The following CFAP47 variants were observed in gnomAD, a reference collection of about 807,000 sequenced individuals.
CFAP47 encodes cilia- and flagella-associated protein 47.
Under a neutral mutation model 148.1 loss-of-function variants are expected in CFAP47, and 29 were observed. The observed-to-expected ratio is 0.20, with a 90% confidence interval of 0.15 to 0.27. The LOEUF is 0.27. Ranked by LOEUF, CFAP47 falls within the 10% of genes least tolerant of loss-of-function variation. The pLI, the probability that CFAP47 is intolerant of heterozygous loss-of-function variation, is 1.00. For synonymous variants in CFAP47, 664 were observed against 577.3 expected (o/e 1.15, Z -2.15); for missense variants, 1,872 against 1,697.5 (o/e 1.10, Z -1.81).
chrX:36,338,847 C>A (rs144740963), intron 57 of CFAP47, among the ~76,000 whole-genome samples: 1,125 of 111,990 alleles, frequency 0.01, 12 homozygotes, highest in African/African-American at 0.029. Flanking sequence ...TCTTTAGGTG[C>A]TCTGCTCAAG....
intron 2 of CFAP47, among the ~76,000 whole-genome samples, chrX:35,937,824 A>G (rs916782568): frequency 1.1e-4 from 12 of 111,497 alleles, no homozygotes; most frequent in Non-Finnish European, 2.3e-4. Context: ...TGGATCAGAC[A>G]TGTAATGAAC....
At chrX:35,968,723 T>C (rs1377864538) in intron 10 of CFAP47, among the ~76,000 whole-genome samples, 1 of 111,154 alleles carries the variant, frequency 9.0e-6, no homozygotes, top group Non-Finnish European at 1.9e-5. Context: ...CTATAGTCTA[T>C]CTTATTATTT....
chrX:35,972,726 C>T (rs1936512747), intron 13 of CFAP47, among the ~76,000 whole-genome samples: 2 of 111,566 alleles, frequency 1.8e-5, no homozygotes, highest in Admixed American at 1.9e-4. Context: ...ATTGAAACAG[C>T]ACCCCATTTT....
chrX:36,199,661 C>A (rs1555987685), intron 42 of CFAP47, among the ~76,000 whole-genome samples: 2 of 111,550 alleles, frequency 1.8e-5, no homozygotes, highest in South Asian at 7.5e-4. Flanking sequence ...ATAATATTGG[C>A]TAATGATTGG....
In CFAP47 at chrX:36,280,517, G is replaced by C. The variant is rs1941066870; in HGVS notation, c.7475G>C (p.Cys2492Ser). ...ATTACATTTTCTACTACAAGAAGAT[G>C]TACTACAAGAAGGAAACATGATGAT... ...GTITFSTTRR[C>S]TTRRKHDDYE... Residue 2492 changes from cysteine to serine, a missense_variant, in exon 50 of 64, where the codon TGT becomes TCT. By Grantham distance (112) the Cys-to-Ser change is moderately radical (BLOSUM62 -1). Transcript: ENST00000378653. The C allele has an allele frequency of 3.9e-6, 2 of 507,531 alleles. No homozygotes were observed. The highest frequency in any genetic ancestry group is 5.4e-5 in the Admixed American group (2 of 36,976). 41.8% of individuals were successfully genotyped at this position (507,531 alleles called of 1,213,427 possible).
intron 6 of CFAP47, among the ~76,000 whole-genome samples, chrX:35,953,262 CTTAG>C (rs1327952691): frequency 1.8e-5 from 2 of 111,902 alleles, no homozygotes; most frequent in African/African-American, 3.2e-5. Context: ...AATCAGAGTC[CTTAG>C]TTAGAGATGA....
chrX:36,355,359 C>G (rs1941777481), intron 60 of CFAP47, among the ~76,000 whole-genome samples: 1 of 111,650 alleles, frequency 9.0e-6, no homozygotes, highest in Admixed American at 9.6e-5. Context: ...ATCTAGCAAT[C>G]CCTCTTCTGG....
chrX:36,138,319 CA>C, intron 34 of CFAP47, 28 bp from the exon 35 acceptor site: 13 of 1,079,045 alleles, frequency 1.2e-5, no homozygotes, highest in Non-Finnish European at 1.6e-5. Context: ...ATTCCATTAC[CA>C]AAAGGTTTGA....
At chrX:36,351,626 G>A (rs367975795) in intron 59 of CFAP47, among the ~76,000 whole-genome samples, 41 of 111,936 alleles carry the variant, frequency 3.7e-4, no homozygotes, top group African/African-American at 1.2e-3. Context: ...GTTAAACATC[G>A]TCTAGAGCAT....
intron 29 of CFAP47, among the ~76,000 whole-genome samples, chrX:36,078,263 A>G (rs975533365): frequency 6.3e-5 from 7 of 110,381 alleles, no homozygotes; most frequent in African/African-American, 2.3e-4. Flanking sequence ...ATCCTTGTTA[A>G]TCTTCGGTCT....
In CFAP47 at chrX:35,956,262, G is replaced by A. The variant is rs148122184; in HGVS notation, c.1410+66G>A. The A allele has an allele frequency of 4.1e-3, 3,441 of 831,652 alleles. 74 individuals are homozygous for A. In the African/African-American group the frequency reaches 0.061, roughly 15 times the overall value. 68.5% of individuals were successfully genotyped at this position (831,652 alleles called of 1,213,427 possible). On this transcript the variant is annotated intron_variant, in intron 8 of 63. Coordinates refer to ENST00000378653, the MANE Select transcript of CFAP47 (RefSeq NM_001304548.2). ...TTTAAGGTGTGCTAAAATGCTATGCGGAGGATTAGAAACAACATGTGTTCT... is the reference window on the plus strand; with the variant it reads ...TTTAAGGTGTGCTAAAATGCTATGCAGAGGATTAGAAACAACATGTGTTCT...
chrX:36,196,465 T>A (rs1555987260), intron 42 of CFAP47, among the ~76,000 whole-genome samples: 1 of 111,395 alleles, frequency 9.0e-6, no homozygotes, highest in African/African-American at 3.3e-5. Context: ...ATTTTCTGTC[T>A]AGGTAAATGC....
intron 36 of CFAP47, among the ~76,000 whole-genome samples, chrX:36,148,901 A>ATGTATGTG (rs756428995): frequency 7.6e-5 from 7 of 92,269 alleles, no homozygotes; most frequent in African/African-American, 2.9e-4. Context: ...AACTGTATGT[A>ATGTATGTG]TGTGTGTGTG....
intron 40 of CFAP47, among the ~76,000 whole-genome samples, chrX:36,183,090 A>G (rs1380880876): frequency 1.8e-5 from 2 of 112,353 alleles, no homozygotes. Flanking sequence ...TGGACAGATC[A>G]CTTGAGCTCA....
intron 60 of CFAP47, among the ~76,000 whole-genome samples, chrX:36,355,552 A>T (rs1174110264): frequency 1.8e-5 from 2 of 112,020 alleles, no homozygotes; most frequent in Non-Finnish European, 3.8e-5. Context: ...AAAAGGAGGA[A>T]ATTCTATAAT....
At chrX:35,986,586 C>A (rs1294668954) in intron 15 of CFAP47, among the ~76,000 whole-genome samples, 1 of 109,805 alleles carries the variant, frequency 9.1e-6, no homozygotes, top group Admixed American at 9.8e-5. Context: ...TGTTATTATC[C>A]ACCTTCTGAA....
At position 36,379,416 on chromosome X, in the gene CFAP47, G is replaced by T. The variant is rs1942056744; in HGVS notation, c.9252G>T (p.Gln3084His). 8.6e-7 allele frequency: 1 copy of T among 1,164,286 alleles called. No individual in the cohort carries two copies. The highest frequency in any genetic ancestry group is 1.8e-5 in the African/African-American group (1 of 55,767). Residue 3084 changes from glutamine (Q) to histidine (H), a missense_variant, in exon 63 of 64, where the codon CAG becomes CAT. Coordinates refer to ENST00000378653, the MANE Select transcript of CFAP47 (RefSeq NM_001304548.2). ...ATCTGGAGTTTTTTGTAAAACCTCA[G>T]GCTGGAGAACTTCTTCCTTTTAACA... The part of the protein sequence containing the change: ...GSDLEFFVKP[Q>H]AGELLPFNTN...
intron 26 of CFAP47, among the ~76,000 whole-genome samples, chrX:36,065,335 A>G (rs1051029664): frequency 9.0e-6 from 1 of 111,293 alleles, no homozygotes; most frequent in Admixed American, 9.6e-5. Context: ...AGAAGAATGG[A>G]GTAAATTAAC....
intron 33 of CFAP47, among the ~76,000 whole-genome samples, chrX:36,113,698 G>A (rs1245480374): frequency 1.8e-5 from 2 of 111,452 alleles, no homozygotes; most frequent in African/African-American, 6.5e-5. Flanking sequence ...AGTTGTTTAC[G>A]TTCTCCCTGT....
Sources: allele counts gnomAD v4.1 joint callset (sites outside exome capture counted in the v4.1 genomes callset), GRCh38; gene constraint gnomAD v4.1.1; transcripts MANE v1.5; gene names NCBI Gene and HGNC (gene_info 2026-07-23, HGNC 2026-07-21).